Variants in FSTL5 observed in about 807,000 individuals in gnomAD.
FSTL5 encodes follistatin like 5.
Under a neutral mutation model 89.1 loss-of-function variants are expected in FSTL5, and 62 were observed. The observed-to-expected ratio is 0.70, with a 90% CI of 0.57 to 0.86. FSTL5 has a LOEUF of 0.86. FSTL5 is among the 40% of genes least tolerant of loss of function. FSTL5 has a pLI of 0.00. For missense variants in FSTL5, 1,057 were observed against 1,001.6 expected, an observed-to-expected ratio of 1.06 and a Z score of -0.75; for synonymous variants, 383 against 346.2, an observed-to-expected ratio of 1.11 and a Z score of -1.18.
At chr4:162,074,122 A>G (rs929972053) in intron 2 of FSTL5, among the ~76,000 whole-genome samples, 1 of 151,756 alleles carries the variant, frequency 6.6e-6, no homozygotes, top group Non-Finnish European at 1.5e-5. Flanking sequence ...GTTATTTTGA[A>G]TTATGCTTTT....
chr4:162,014,768 A>T (rs1260133022), intron 3 of FSTL5, among the ~76,000 whole-genome samples: 1 of 152,074 alleles, frequency 6.6e-6, no homozygotes, highest in Non-Finnish European at 1.5e-5. Flanking sequence ...AAAATATAAG[A>T]TGGTTAAAGG....
intron 2 of FSTL5, among the ~76,000 whole-genome samples, chr4:162,083,181 T>C (rs1446586091): frequency 6.6e-6 from 1 of 151,810 alleles, no homozygotes; most frequent in African/African-American, 2.4e-5. Flanking sequence ...GGCTGAAAAG[T>C]ATCATTTACA....
intron 4 of FSTL5, among the ~76,000 whole-genome samples, chr4:161,870,342 A>G (rs1378356334): frequency 6.6e-6 from 1 of 151,884 alleles, no homozygotes; most frequent in African/African-American, 2.4e-5. Context: ...TTGTTCAATC[A>G]TACACACACA....
intron 2 of FSTL5, among the ~76,000 whole-genome samples, chr4:162,045,929 G>A (rs541034602): frequency 4.0e-5 from 6 of 150,242 alleles, no homozygotes; most frequent in East Asian, 2.0e-4. Context: ...AATATTTTAC[G>A]AGTTTTTTAA....
At chr4:162,098,281 T>TA (rs1375926494) in intron 2 of FSTL5, among the ~76,000 whole-genome samples, 2 of 151,714 alleles carry the variant, frequency 1.3e-5, no homozygotes, top group African/African-American at 2.4e-5. Context: ...ATATCATGGT[T>TA]AAAAAAAATC....
chr4:162,131,689 T>A (rs1050144739), intron 1 of FSTL5, among the ~76,000 whole-genome samples: 8 of 152,166 alleles, frequency 5.3e-5, no homozygotes, highest in African/African-American at 1.7e-4. Flanking sequence ...AAGACATAAG[T>A]AGCATGAGAA....
intron 1 of FSTL5, among the ~76,000 whole-genome samples, chr4:162,122,300 T>A (rs1192724076): frequency 2.0e-5 from 3 of 152,136 alleles, no homozygotes; most frequent in African/African-American, 7.2e-5. Flanking sequence ...CTGATTTTCT[T>A]AACACTTGCA....
intron 6 of FSTL5, among the ~76,000 whole-genome samples, chr4:161,712,632 T>C (rs902712966): frequency 2.6e-5 from 4 of 152,152 alleles, no homozygotes; most frequent in African/African-American, 4.8e-5. Flanking sequence ...TCCTTCAACA[T>C]TGGAGGTGGG....
At chr4:161,860,714 T>C in intron 4 of FSTL5, among the ~76,000 whole-genome samples, 1 of 152,186 alleles carries the variant, frequency 6.6e-6, no homozygotes, top group Non-Finnish European at 1.5e-5. Flanking sequence ...AAAGCCTTTA[T>C]TTTTTATAGA....
intron 4 of FSTL5, among the ~76,000 whole-genome samples, chr4:161,808,002 C>T (rs891517352): frequency 6.6e-6 from 1 of 151,914 alleles, no homozygotes; most frequent in Non-Finnish European, 1.5e-5. Context: ...GGTATGGTTA[C>T]TGAGTAGAAG....
intron 8 of FSTL5, among the ~76,000 whole-genome samples, chr4:161,546,499 C>T (rs1732012401): frequency 6.6e-6 from 1 of 151,228 alleles, no homozygotes; most frequent in African/African-American, 2.4e-5. Flanking sequence ...TAAAAAGCAA[C>T]CCCAAGAAAC....
At chr4:161,785,913 G>A (rs1428428976) in intron 4 of FSTL5, among the ~76,000 whole-genome samples, 5 of 151,994 alleles carry the variant, frequency 3.3e-5, no homozygotes, top group Non-Finnish European at 7.4e-5. Context: ...TCTCAGTCAT[G>A]CTTTGTCTCA....
At chr4:162,117,457 T>C (rs1324454467) in intron 1 of FSTL5, among the ~76,000 whole-genome samples, 1 of 152,178 alleles carries the variant, frequency 6.6e-6, no homozygotes, top group African/African-American at 2.4e-5. Flanking sequence ...CAAAGAGATA[T>C]GGGCTAGAGA....
chr4:161,900,645 A>C (rs1733328474), intron 4 of FSTL5, among the ~76,000 whole-genome samples: 2 of 115,174 alleles, frequency 1.7e-5, no homozygotes, highest in Non-Finnish European at 3.8e-5. Flanking sequence ...TCTCAAAAAA[A>C]AAAAAAAAAA....
At chr4:161,607,236 G>A (rs980043161) in intron 7 of FSTL5, among the ~76,000 whole-genome samples, 11 of 152,052 alleles carry the variant, frequency 7.2e-5, no homozygotes, top group South Asian at 2.1e-4. Context: ...GAAAAAAATC[G>A]TAAGACTTGG....
rs116471420 is a variant in FSTL5, at chr4:161,399,513, C to A, written c.1842-13064G>T. On this transcript the variant is annotated intron_variant, in intron 15 of 15. Coordinates refer to ENST00000306100, the MANE Select transcript of FSTL5 (RefSeq NM_020116.5). ...ATGAATAGTCTAAAACGGCAGGCAACCACATCTGTAGACCTCCATCTATGG... is the reference window on the plus strand; with the variant it reads ...ATGAATAGTCTAAAACGGCAGGCAAACACATCTGTAGACCTCCATCTATGG... 2.6e-5 allele frequency among the ~76,000 whole-genome samples: 4 copies of A among 152,068 alleles called. No homozygotes were observed. In the East Asian group the frequency reaches 7.7e-4, roughly 29 times the overall value.
chr4:162,048,482 T>C (rs1341407319), intron 2 of FSTL5, among the ~76,000 whole-genome samples: 1 of 152,092 alleles, frequency 6.6e-6, no homozygotes, highest in Non-Finnish European at 1.5e-5. Context: ...TAAACAAAGA[T>C]ATAATTATGG....
At chr4:162,057,769 C>T in intron 2 of FSTL5, among the ~76,000 whole-genome samples, 1 of 151,932 alleles carries the variant, frequency 6.6e-6, no homozygotes, top group East Asian at 1.9e-4. Flanking sequence ...CATGGTGAAA[C>T]CCCATCTCTA....
At chr4:161,558,546 A>T (rs953381935) in intron 8 of FSTL5, among the ~76,000 whole-genome samples, 7 of 135,892 alleles carry the variant, frequency 5.2e-5, no homozygotes, top group African/African-American at 1.9e-4. Flanking sequence ...AACTCTCAAA[A>T]TGTTACTCTT....
Sources: gnomAD v4.1 joint callset for allele counts (sites outside exome capture counted in the v4.1 genomes callset) on GRCh38, gnomAD v4.1.1 for gene constraint, MANE v1.5 for transcripts, NCBI Gene and HGNC (gene_info 2026-07-23, HGNC 2026-07-21) for gene names.